Variants in LAMA3 observed in about 807,000 individuals in gnomAD.
The protein encoded by LAMA3 is laminin subunit alpha 3.
LAMA3 carries 281 observed loss-of-function variants against 402.0 expected under a neutral mutation model. The observed-to-expected ratio is 0.70, with a 90% CI of 0.63 to 0.77. The LOEUF is 0.77. Among genes scored for constraint, LAMA3 ranks in the 30% least tolerant of loss-of-function variants. LAMA3 has a pLI of 0.00. For synonymous variants in LAMA3, 1,431 were observed against 1,558.4 expected (o/e 0.92, Z 1.93); for missense variants, 3,840 against 4,215.5 (o/e 0.91, Z 2.47).
chr18:23,914,753 G>C lies in LAMA3; in HGVS notation c.7537G>C (p.Glu2513Gln). 2 of 1,613,672 alleles carry C rather than the reference G, an allele frequency of 1.2e-6. No individual in the cohort carries two copies. Among genetic ancestry groups the C allele is most frequent in the Non-Finnish European group, 1.7e-6 (2 of 1,179,620 alleles). The change falls in exon 58 of 75, where the codon GAA becomes CAA. Residue 2513 changes from glutamate to glutamine, a missense_variant. Physicochemically the swap from Glu to Gln is conservative, Grantham distance 29. Transcript: ENST00000313654. ...CAAAGGAGCCACATCCAGTAAACCA[G>C]AAACACCCGGAGTCTATGACATGGA... ...YTKGATSSKPETPGVYDMDGR... is the reference protein window; with the variant it reads ...YTKGATSSKPQTPGVYDMDGR...
Position 23,954,868 on chromosome 18 carries a change from T to A in LAMA3, c.*220T>A, listed in dbSNP as rs2083058878. On this transcript the variant is annotated 3_prime_UTR_variant, in exon 75 of 75. Coordinates refer to ENST00000313654, the MANE Select transcript of LAMA3 (RefSeq NM_198129.4). ...ATCCCATTTCTTGAAGATAAAAAAA[T>A]TGTTATTCAAATTGTTATGCACAGA... The A allele has an allele frequency of 1.8e-6, 1 of 568,426 alleles. No individual in the cohort carries two copies. The highest frequency in any genetic ancestry group is 3.1e-5 in the Admixed American group (1 of 32,730). 35.2% of individuals were successfully genotyped at this position (568,426 alleles called of 1,614,324 possible).
intron 2 of LAMA3, among the ~76,000 whole-genome samples, chr18:23,721,841 GA>G (rs762184104): frequency 3.3e-5 from 5 of 152,180 alleles, no homozygotes; most frequent in Non-Finnish European, 5.9e-5. Flanking sequence ...AGCCTGAAAG[GA>G]ACAGAATCCA....
intron 19 of LAMA3, among the ~76,000 whole-genome samples, chr18:23,821,876 T>C (rs551366588): frequency 6.6e-6 from 1 of 152,312 alleles, no homozygotes; most frequent in East Asian, 1.9e-4. Context: ...CCCTCTCCTT[T>C]CCTTCTCTTC....
In LAMA3 at chr18:23,918,978, C is replaced by T. The variant is rs890282825; in HGVS notation, c.7924-1957C>T. Among the ~76,000 whole-genome samples the T allele has an allele frequency of 6.6e-6, 1 of 152,230 alleles. No individual in the cohort carries two copies. Among genetic ancestry groups the T allele is most frequent in the South Asian group, 2.1e-4 (1 of 4,838 alleles). On this transcript the variant is annotated intron_variant, in intron 60 of 74. Transcript: ENST00000313654. The surrounding 1 kb of genome is among the most constrained non-coding windows in gnomAD (Gnocchi z 4.1). ...ATAGAGCAGAGAAGTCATCCAGCAT[C>T]TTCAGGACACGGCAGTTGTTTTACA...
At chr18:23,763,624 T>C in intron 8 of LAMA3, 101 bp downstream of exon 8, 2 of 818,380 alleles carry the variant, frequency 2.4e-6, no homozygotes, top group Admixed American at 3.4e-5. Flanking sequence ...CAGGCAATCG[T>C]AAGAGTTTTC....
intron 62 of LAMA3, among the ~76,000 whole-genome samples, chr18:23,926,942 T>TA (rs2082020035): frequency 6.6e-6 from 1 of 152,216 alleles, no homozygotes; most frequent in East Asian, 1.9e-4. Context: ...TTAACTTTCT[T>TA]AGACTATGAC....
chr18:23,767,159 A>G (rs1048242834), intron 8 of LAMA3, among the ~76,000 whole-genome samples: 13 of 152,168 alleles, frequency 8.5e-5, no homozygotes, highest in African/African-American at 1.2e-4. Flanking sequence ...AATACATCTA[A>G]CCAAGGAGGT....
rs529747592 is a variant in LAMA3, at chr18:23,949,413, T to C, written c.9352-352T>C. Among the ~76,000 whole-genome samples, 30 of 152,246 alleles carry C rather than the reference T, an allele frequency of 2.0e-4. 2 individuals carry two copies. In the South Asian group the frequency reaches 5.8e-3, roughly 29 times the overall value. ...AGGTGGAAATTTCCCTTGTTGCTGC[T>C]CCATCTGTGAGGACCAGGGTCAGGT... On this transcript the variant is annotated intron_variant, in intron 70 of 74. Coordinates refer to ENST00000313654, the MANE Select transcript of LAMA3 (RefSeq NM_198129.4).
At chr18:23,920,844 CA>C (rs1443733138) in intron 60 of LAMA3, 90 bp from the exon 61 acceptor site, 39 of 1,481,738 alleles carry the variant, frequency 2.6e-5, no homozygotes, top group Non-Finnish European at 3.5e-5. Context: ...AAGCTGAGAG[CA>C]GGGGGGTCTG....
In LAMA3 at chr18:23,931,074, C is replaced by A; in HGVS notation, c.8449C>A (p.Gln2817Lys). The A allele has an allele frequency of 6.2e-7, 1 of 1,613,642 alleles. No individual in the cohort carries two copies. The highest frequency in any genetic ancestry group is 8.5e-7 in the Non-Finnish European group (1 of 1,179,562). The change falls in exon 65 of 75, where the codon CAG (glutamine) becomes AAG (lysine). Residue 2817 changes from glutamine to lysine, a missense_variant. By Grantham distance (53) the Gln-to-Lys change is moderately conservative. Transcript: ENST00000313654. ...LDHQTWTRNLQVTLEDGYIEL... is the reference protein window; with the variant it reads ...LDHQTWTRNLKVTLEDGYIEL... ...ATGGTGATTTCAGACAAGGAACCTG[C>A]AGGTCACTCTGGAAGATGGTTACAT...
chr18:23,912,888 ATTGCTTGGAC>A lies in LAMA3; in HGVS notation c.7329+8_7329+17del. 1 of 1,611,066 alleles carries A rather than the reference ATTGCTTGGAC, an allele frequency of 6.2e-7. No homozygotes were observed. The highest frequency in any genetic ancestry group is 8.5e-7 in the Non-Finnish European group (1 of 1,177,722). ...GTACCTTGGAAATAAAGATGTAAGT[ATTGCTTGGAC>A]ATCTCTCTTGTTTTTGAAACAATGT... is the stretch of plus-strand genomic sequence containing the variant. On this transcript the variant is annotated splice_region_variant and intron_variant, in intron 56 of 74. Transcript: ENST00000313654.
At chr18:23,866,470 T>C (rs1414348390) in intron 36 of LAMA3, among the ~76,000 whole-genome samples, 1 of 152,220 alleles carries the variant, frequency 6.6e-6, no homozygotes. Context: ...TAAACTGTTT[T>C]AAAAACTCCA....
chr18:23,894,435 C>G, intron 43 of LAMA3, 87 bp downstream of exon 43: 3 of 1,208,974 alleles, frequency 2.5e-6, no homozygotes, highest in Non-Finnish European at 3.7e-6. Flanking sequence ...CATGCAGTTT[C>G]CAGTCTGGGA....
intron 69 of LAMA3, among the ~76,000 whole-genome samples, chr18:23,945,167 G>A (rs968144772): frequency 6.6e-6 from 1 of 152,148 alleles, no homozygotes; most frequent in African/African-American, 2.4e-5. Flanking sequence ...ACTCTTACAT[G>A]TACAGATTCA....
Position 23,914,771 on chromosome 18 carries a change from G to C in LAMA3, c.7555G>C (p.Asp2519His). The C allele has an allele frequency of 6.2e-7, 1 of 1,613,352 alleles. No individual in the cohort carries two copies. The highest frequency in any genetic ancestry group is 8.5e-7 in the Non-Finnish European group (1 of 1,179,316). ...TAAACCAGAAACACCCGGAGTCTAT[G>C]ACATGGATGGTAGAAATAGCAATAC... The part of the protein sequence containing the change: ...SSKPETPGVY[D>H]MDGRNSNTLL... Residue 2519 changes from aspartate (D) to histidine (H), a missense_variant, in exon 58 of 75, where the codon GAC (aspartate) becomes CAC (histidine). By Grantham distance (81) the Asp-to-His change is moderately conservative (BLOSUM62 -1). Transcript: ENST00000313654.
chr18:23,896,737 A>G (rs2080887991), intron 44 of LAMA3, among the ~76,000 whole-genome samples: 1 of 152,332 alleles, frequency 6.6e-6, no homozygotes, highest in East Asian at 1.9e-4. Context: ...GGACAAATCT[A>G]CAGACCTGGA....
chr18:23,751,162 C>A, intron 5 of LAMA3, 74 bp downstream of exon 5: 1 of 1,411,024 alleles, frequency 7.1e-7, no homozygotes, highest in Middle Eastern at 1.8e-4. Context: ...TTGCCTTGAA[C>A]TCTTTTAAGT....
intron 69 of LAMA3, among the ~76,000 whole-genome samples, chr18:23,945,110 G>T (rs925797605): frequency 6.6e-6 from 1 of 152,162 alleles, no homozygotes; most frequent in Non-Finnish European, 1.5e-5. Flanking sequence ...TCCAGCCTGG[G>T]CGACAGAGCA....
chr18:23,812,076 T>C (rs4258702), intron 13 of LAMA3, among the ~76,000 whole-genome samples: 60,615 of 151,826 alleles, frequency 0.4, 13,962 homozygotes, highest in Admixed American at 0.52. Flanking sequence ...GGTTTCACCA[T>C]GTCAGCCAGG....
Sources: gnomAD v4.1 joint callset for allele counts (sites outside exome capture counted in the v4.1 genomes callset) on GRCh38, gnomAD v4.1.1 for gene constraint, Gnocchi (gnomAD v3.1) non-coding constraint, MANE v1.5 for transcripts, NCBI Gene and HGNC (gene_info 2026-07-23, HGNC 2026-07-21) for gene names.